Variants in SUN1 observed in about 807,000 individuals in gnomAD.
SUN1 encodes SUN domain-containing protein 1.
A neutral mutation model predicts 103.2 loss-of-function variants in SUN1; 61 were observed. The observed-to-expected ratio is 0.59, with a 90% CI of 0.48 to 0.73. The LOEUF is 0.73. Among genes scored for constraint, SUN1 ranks in the 30% least tolerant of loss-of-function variants. The pLI is 0.00. For missense variants in SUN1, 1,052 were observed against 1,034.6 expected, an observed-to-expected ratio of 1.02 and a Z score of -0.23; for synonymous variants, 490 against 425.7, an observed-to-expected ratio of 1.15 and a Z score of -1.86.
chr7:869,135 T>G, intron 16 of SUN1: 863 of 535,586 alleles, frequency 1.6e-3, no homozygotes, highest in East Asian at 2.0e-3. Context: ...TTCTGGTCGT[T>G]TTAACTTTTA....
chr7:855,829 C>G (rs1225872614), intron 11 of SUN1, among the ~76,000 whole-genome samples: 3 of 151,732 alleles, frequency 2.0e-5, no homozygotes, highest in Non-Finnish European at 4.4e-5. Context: ...GCGCCTCCTC[C>G]TCTGTCCGCC....
At chr7:855,308 T>A (rs953347119) in intron 11 of SUN1, among the ~76,000 whole-genome samples, 2 of 152,182 alleles carry the variant, frequency 1.3e-5, no homozygotes, top group African/African-American at 4.8e-5. Flanking sequence ...TCTTTCCGGC[T>A]CCAGGGTGCT....
At chr7:836,202 C>T (rs1802979796) in intron 1 of SUN1, among the ~76,000 whole-genome samples, 1 of 152,072 alleles carries the variant, frequency 6.6e-6, no homozygotes. Context: ...AGTAGAGAAG[C>T]TGAAGATGTA....
Position 873,601 on chromosome 7 carries a change from C to G in SUN1, c.*270C>G. 2.6e-6 allele frequency: 1 copy of G among 380,174 alleles called. No homozygotes were observed. The highest frequency in any genetic ancestry group is 4.8e-6 in the Non-Finnish European group (1 of 209,386). 23.6% of individuals were successfully genotyped at this position (380,174 alleles called of 1,614,324 possible). ...GACACTCCTTGTTTTTAACGGGAAG[C>G]TCTTTGCATTTGCATTTCCTCAACA... On this transcript the variant is annotated 3_prime_UTR_variant, in exon 19 of 19. Coordinates refer to ENST00000401592, the MANE Select transcript of SUN1 (RefSeq NM_001130965.3).
At position 839,977 on chromosome 7, in the gene SUN1, A is replaced by G. The variant is rs138632912; in HGVS notation, c.266+991A>G. On this transcript the variant is annotated intron_variant, in intron 2 of 18. Coordinates refer to ENST00000401592, the MANE Select transcript of SUN1 (RefSeq NM_001130965.3). Reference sequence around the variant, plus strand: ...TGATCTCTGAACTCTCCACGTGCCCACTTCTGTGCAGAGAAGGAACAAAAG... The same window carrying G: ...TGATCTCTGAACTCTCCACGTGCCCGCTTCTGTGCAGAGAAGGAACAAAAG... Among the ~76,000 whole-genome samples the G allele has an allele frequency of 2.1e-3, 324 of 152,352 alleles. 4 individuals carry two copies. The highest frequency in any genetic ancestry group is 7.2e-3 in the African/African-American group (299 of 41,584).
rs777283916 is a variant in SUN1 at position 853,517 on chromosome 7, A to G, written c.1162A>G (p.Thr388Ala). The G allele has an allele frequency of 6.2e-7, 1 of 1,613,806 alleles. No individual in the cohort carries two copies. The highest frequency in any genetic ancestry group is 1.1e-5 in the South Asian group (1 of 91,086). Reference protein sequence around the residue: ...HHGENLRELTTLLQKLQARVD... With the variant: ...HHGENLRELTALLQKLQARVD... ...TGGTGAGAATCTCCGAGAGCTGACC[A>G]CTTTGCTACAGAAGCTGCAGGCTCG... The change falls in exon 10 of 19, where the codon ACT becomes GCT. Residue 388 changes from threonine to alanine, a missense_variant. Thr to Ala is a moderately conservative substitution (Grantham distance 58). Around this residue, in one of 2 missense-constraint regions of SUN1, gnomAD observed 846 missense variants for 774.5 expected, o/e 1.09. Transcript: ENST00000401592.
chr7:871,148 T>A (rs1331886715), intron 17 of SUN1, among the ~76,000 whole-genome samples: 1 of 152,124 alleles, frequency 6.6e-6, no homozygotes. Flanking sequence ...AAATTTCTGC[T>A]AACTTGATAG....
chr7:860,084 T>C (rs1831037891), intron 13 of SUN1, 44 bp from the exon 14 acceptor site: 1 of 1,602,344 alleles, frequency 6.2e-7, no homozygotes, highest in South Asian at 1.1e-5. Context: ...GTGGAAGTGA[T>C]TTAGTTAAAA....
chr7:858,377 C>T (rs1172603108), intron 13 of SUN1, among the ~76,000 whole-genome samples: 1 of 113,286 alleles, frequency 8.8e-6, no homozygotes, highest in Non-Finnish European at 1.8e-5. Context: ...TTAATTTCAA[C>T]TCCCTTTAAA....
At chr7:843,741 T>C in intron 5 of SUN1, 2 of 1,427,726 alleles carry the variant, frequency 1.4e-6, no homozygotes, top group South Asian at 1.6e-5. Flanking sequence ...TGAAATTCTA[T>C]AAATTTGGAC....
chr7:852,297 G>A, intron 7 of SUN1: 1 of 596,538 alleles, frequency 1.7e-6, no homozygotes, highest in South Asian at 2.1e-5. Flanking sequence ...GGGGACCCAG[G>A]TCCAGGCTTC....
Position 860,267 on chromosome 7 carries a change from A to G in SUN1, c.1664A>G (p.Gln555Arg). Residue 555 changes from glutamine (Q) to arginine (R), a missense_variant, in exon 14 of 19, where the codon CAG becomes CGG. Physicochemically the swap from Gln to Arg is conservative, Grantham distance 43. Transcript: ENST00000401592. ...TTGCAGACGATGCTGCGAGACCTGC[A>G]GCTGCAGATCCTGCGGAACGTCACC... is the stretch of plus-strand genomic sequence containing the variant. ...GDLQTMLRDL[Q>R]LQILRNVTHH... 2.5e-6 allele frequency: 4 copies of G among 1,614,248 alleles called. No homozygotes were observed. The highest frequency in any genetic ancestry group is 1.6e-4 in the Middle Eastern group (1 of 6,062).
intron 1 of SUN1, among the ~76,000 whole-genome samples, chr7:837,893 T>C (rs1805005707): frequency 6.6e-6 from 1 of 152,256 alleles, no homozygotes; most frequent in Non-Finnish European, 1.5e-5. Context: ...AACAAACCCT[T>C]CTTGAGATGA....
rs1004190364 is a variant in SUN1, at chr7:852,971, C to T, written c.1053+19C>T. The stretch of plus-strand genomic sequence containing the variant: ...TCTGCAGGTAAGAGGGTAGAAAGGC[C>T]TCTCAGCTGGCACTGCACATGTGAG... On this transcript the variant is annotated intron_variant, in intron 9 of 18. Coordinates refer to ENST00000401592, the MANE Select transcript of SUN1 (RefSeq NM_001130965.3). The T allele has an allele frequency of 6.2e-7, 1 of 1,604,238 alleles. No homozygotes were observed. The highest frequency in any genetic ancestry group is 1.3e-5 in the African/African-American group (1 of 74,558).
At chr7:856,200 G>A (rs1827135213) in intron 11 of SUN1, among the ~76,000 whole-genome samples, 158 bp from the exon 12 acceptor site, 1 of 152,232 alleles carries the variant, frequency 6.6e-6, no homozygotes, top group Non-Finnish European at 1.5e-5. Context: ...ACTTTGAAAT[G>A]TTCAATGAAC....
intron 1 of SUN1, among the ~76,000 whole-genome samples, chr7:819,675 C>T (rs1207274152): frequency 1.3e-5 from 2 of 148,296 alleles, no homozygotes; most frequent in Non-Finnish European, 3.0e-5. Flanking sequence ...CAGTTCTGTT[C>T]TGCAGGTCTG....
At position 874,661 on chromosome 7, in the gene SUN1, G is replaced by A. The variant is rs898170548; in HGVS notation, c.*1330G>A. 2 of 152,064 alleles carry A rather than the reference G, an allele frequency of 1.3e-5. No homozygotes were observed. The highest frequency in any genetic ancestry group is 2.4e-5 in the African/African-American group (1 of 41,412). 9.4% of individuals were successfully genotyped at this position (152,064 alleles called of 1,614,324 possible). A position where few individuals can be genotyped will look rare whatever the true frequency, so the allele number is the denominator to read the frequency against. Reference sequence around the variant, plus strand: ...GTTAAGGCAGATAAAATGTACAGATGTTTCATATATTACAGGTTACATATA... The same window carrying A: ...GTTAAGGCAGATAAAATGTACAGATATTTCATATATTACAGGTTACATATA... On this transcript the variant is annotated 3_prime_UTR_variant, in exon 19 of 19. Transcript: ENST00000401592.
upstream of SUN1, chr7:832,096 T>TA (rs1300417155): frequency 1.0e-6 from 1 of 1,004,592 alleles, no homozygotes; most frequent in Non-Finnish European, 1.2e-6. Flanking sequence ...GACCACGCTG[T>TA]AGCAGGTAGT....
chr7:844,988 G>A (rs1813975751), intron 5 of SUN1, among the ~76,000 whole-genome samples: 1 of 152,184 alleles, frequency 6.6e-6, no homozygotes, highest in Non-Finnish European at 1.5e-5. Context: ...GTTTATTGAG[G>A]CTGTGTTTTG....
Sources: allele counts gnomAD v4.1 joint callset (sites outside exome capture counted in the v4.1 genomes callset), GRCh38; gene constraint gnomAD v4.1.1; regional missense constraint gnomAD v4.1.1; transcripts MANE v1.5; gene names NCBI Gene and HGNC (gene_info 2026-07-23, HGNC 2026-07-21).